SPAG16: variants seen among roughly 807,000 people sequenced by gnomAD.
SPAG16 encodes sperm associated antigen 16, also known as sperm-associated antigen 16 protein.
In SPAG16, 86 loss-of-function variants were observed where a neutral mutation model predicts 80.4. The observed-to-expected ratio is 1.07, with a 90% CI of 0.90 to 1.28. The LOEUF is 1.28. Among genes scored for constraint, SPAG16 ranks in the 50% most tolerant of loss-of-function variants. The probability of loss-of-function intolerance (pLI) is 0.00; values close to 1 mark genes in which losing one functional copy is unlikely to be tolerated. For missense variants in SPAG16, 870 were observed against 765.3 expected (o/e 1.14, Z -1.61); for synonymous variants, 294 against 265.9 (o/e 1.11, Z -1.03).
chr2:213,704,915 G>A (rs187497218), intron 10 of SPAG16, among the ~76,000 whole-genome samples: 2 of 152,168 alleles, frequency 1.3e-5, no homozygotes, highest in Admixed American at 6.5e-5. Context: ...GACGAAAAGC[G>A]AAGTCTGCCT....
chr2:213,764,016 T>G (rs2125530614), intron 10 of SPAG16, among the ~76,000 whole-genome samples: 1 of 152,272 alleles, frequency 6.6e-6, no homozygotes, highest in South Asian at 2.1e-4. Context: ...TTTCCATAGC[T>G]CTCTCTTTTC....
chr2:213,991,765 G>T (rs1170930270), intron 12 of SPAG16, among the ~76,000 whole-genome samples: 2 of 152,100 alleles, frequency 1.3e-5, no homozygotes, highest in Admixed American at 1.3e-4. Flanking sequence ...TCTTTACCAA[G>T]CAACACACTG....
chr2:214,342,735 G>A lies in SPAG16; in HGVS notation c.1721-67405G>A, dbSNP rs1912220. Among the ~76,000 whole-genome samples, 934 of 152,002 alleles carry A rather than the reference G, an allele frequency of 6.1e-3. 8 individuals carry two copies. Among genetic ancestry groups the A allele is most frequent in the African/African-American group, 0.022 (894 of 41,464 alleles). On this transcript the variant is annotated intron_variant, in intron 15 of 15. Transcript: ENST00000331683. ...AAATTGTCTTCTGTGAAACTGGCCC[G>A]TGGTACCAAAAAGGTTGGGAACCAC... is the stretch of plus-strand genomic sequence containing the variant.
rs564590731 is a variant in SPAG16, at chr2:213,911,164, T to C, written c.1215-18796T>C. On this transcript the variant is annotated intron_variant, in intron 11 of 15. Coordinates refer to ENST00000331683, the MANE Select transcript of SPAG16 (RefSeq NM_024532.5). Reference sequence around the variant, plus strand: ...AGAAACAAGTTTTTGTTTTGTTTTGTTTGAGACAGAGTCTCACTCTGCCCA... The same window carrying C: ...AGAAACAAGTTTTTGTTTTGTTTTGCTTGAGACAGAGTCTCACTCTGCCCA... Among the ~76,000 whole-genome samples, 22 of 152,322 alleles carry C rather than the reference T, an allele frequency of 1.4e-4. No individual in the cohort carries two copies. The East Asian group carries it at 3.9e-3, about 27-fold the overall frequency.
chr2:213,388,295 T>G (rs2067558289), intron 9 of SPAG16, among the ~76,000 whole-genome samples: 1 of 152,220 alleles, frequency 6.6e-6, no homozygotes, highest in African/African-American at 2.4e-5. Flanking sequence ...AATTGTTGTT[T>G]TATCTTACTC....
chr2:213,633,986 A>G (rs893372586), intron 10 of SPAG16, among the ~76,000 whole-genome samples: 5 of 152,012 alleles, frequency 3.3e-5, no homozygotes, highest in African/African-American at 9.7e-5. Flanking sequence ...CAGCCAGTCT[A>G]TGTCTTTTCA....
At chr2:213,425,503 T>G in intron 9 of SPAG16, among the ~76,000 whole-genome samples, 1 of 151,776 alleles carries the variant, frequency 6.6e-6, no homozygotes, top group East Asian at 1.9e-4. Context: ...TACAAAAAAA[T>G]TAACTGGGTG....
chr2:213,877,110 C>G (rs980199181), intron 11 of SPAG16, among the ~76,000 whole-genome samples: 2 of 152,072 alleles, frequency 1.3e-5, no homozygotes, highest in African/African-American at 2.4e-5. Flanking sequence ...CACCTCAGTG[C>G]CTTTAACATG....
chr2:214,327,251 A>G (rs1696562525), intron 15 of SPAG16, among the ~76,000 whole-genome samples: 1 of 152,204 alleles, frequency 6.6e-6, no homozygotes, highest in South Asian at 2.1e-4. Flanking sequence ...GTCCAATTGC[A>G]TGATAAAAAG....
At chr2:213,585,777 G>A (rs780760342) in intron 10 of SPAG16, among the ~76,000 whole-genome samples, 3 of 152,098 alleles carry the variant, frequency 2.0e-5, no homozygotes, top group Non-Finnish European at 4.4e-5. Flanking sequence ...AAATTAATTT[G>A]TAAACACTTA....
At chr2:213,697,577 C>T (rs2065213560) in intron 10 of SPAG16, among the ~76,000 whole-genome samples, 1 of 152,194 alleles carries the variant, frequency 6.6e-6, no homozygotes, top group Admixed American at 6.5e-5. Context: ...GTAGTCACAA[C>T]TGTCCTTATA....
chr2:214,287,745 G>A (rs1376191256), intron 15 of SPAG16, among the ~76,000 whole-genome samples: 1 of 152,170 alleles, frequency 6.6e-6, no homozygotes, highest in Non-Finnish European at 1.5e-5. Flanking sequence ...AAATCAGTGT[G>A]TGAGGAAATT....
intron 10 of SPAG16, among the ~76,000 whole-genome samples, chr2:213,542,649 C>A (rs745368057): frequency 6.6e-6 from 1 of 151,682 alleles, no homozygotes; most frequent in Non-Finnish European, 1.5e-5. Context: ...AAGAATATTG[C>A]GAATTAAAAG....
At chr2:213,752,310 T>A (rs1405630109) in intron 10 of SPAG16, among the ~76,000 whole-genome samples, 1 of 152,244 alleles carries the variant, frequency 6.6e-6, no homozygotes, top group Non-Finnish European at 1.5e-5. Context: ...TTAAATAATA[T>A]GTACTTTTAT....
chr2:213,772,975 C>G (rs2069345110), intron 10 of SPAG16, among the ~76,000 whole-genome samples: 1 of 151,018 alleles, frequency 6.6e-6, no homozygotes, highest in Non-Finnish European at 1.5e-5. Flanking sequence ...ACAATATGTT[C>G]TATTTTACTT....
chr2:214,020,383 C>A (rs1164215787), intron 13 of SPAG16, among the ~76,000 whole-genome samples: 1 of 152,018 alleles, frequency 6.6e-6, no homozygotes, highest in Non-Finnish European at 1.5e-5. Flanking sequence ...AAAATAATGA[C>A]AGAAAGGTAC....
chr2:213,818,023 T>G (rs2072673520), intron 10 of SPAG16, among the ~76,000 whole-genome samples: 1 of 152,170 alleles, frequency 6.6e-6, no homozygotes, highest in African/African-American at 2.4e-5. Context: ...AAATGCTGCC[T>G]AACTTTGTAA....
chr2:213,332,662 A>G (rs2064159212), intron 5 of SPAG16, among the ~76,000 whole-genome samples: 1 of 152,192 alleles, frequency 6.6e-6, no homozygotes. Flanking sequence ...AATATATTAA[A>G]AAGATAATTC....
chr2:214,091,411 T>C (rs2052199988), intron 13 of SPAG16, among the ~76,000 whole-genome samples: 2 of 152,084 alleles, frequency 1.3e-5, no homozygotes. Context: ...TTCAAATAAA[T>C]ACTCAGATGA....
Sources: gnomAD v4.1 joint callset for allele counts (sites outside exome capture counted in the v4.1 genomes callset) on GRCh38, gnomAD v4.1.1 for gene constraint, MANE v1.5 for transcripts, NCBI Gene and HGNC (gene_info 2026-07-23, HGNC 2026-07-21) for gene names.